The following SYTL4 variants were observed in gnomAD, a reference collection of about 807,000 sequenced individuals.
SYTL4 encodes the protein synaptotagmin like 4, also known as synaptotagmin-like protein 4.
SYTL4 carries 16 observed loss-of-function variants against 52.7 expected under a neutral mutation model. The ratio of observed to expected loss-of-function variants is 0.30; its 90% CI spans 0.21 to 0.46. SYTL4 has a LOEUF of 0.46. Among genes scored for constraint, SYTL4 ranks in the 20% least tolerant of loss-of-function variants. SYTL4 has a pLI of 1.00. For missense variants in SYTL4, 423 were observed against 519.9 expected, an observed-to-expected ratio of 0.81 and a Z score of 1.81; for synonymous variants, 160 against 186.6, an observed-to-expected ratio of 0.86 and a Z score of 1.16.
chrX:100,689,456 G>A (rs1174773414), intron 12 of SYTL4, among the ~76,000 whole-genome samples: 1 of 106,561 alleles, frequency 9.4e-6, no homozygotes, highest in Non-Finnish European at 1.9e-5. Context: ...TGGCCAACAT[G>A]GTGAAACCCC....
At chrX:100,709,040 C>A (rs753777041) in intron 2 of SYTL4, among the ~76,000 whole-genome samples, 7 of 112,287 alleles carry the variant, frequency 6.2e-5, no homozygotes, top group Non-Finnish European at 1.1e-4. Flanking sequence ...GTGTGTGACA[C>A]ACAGTATGAG....
intron 2 of SYTL4, among the ~76,000 whole-genome samples, chrX:100,714,447 G>C (rs2084155576): frequency 9.0e-6 from 1 of 110,627 alleles, no homozygotes; most frequent in Non-Finnish European, 1.9e-5. Flanking sequence ...TTCTAGTAGA[G>C]ACAGGGTTTC....
In SYTL4 at chrX:100,700,963, TGAA is replaced by T. The variant is rs768889052; in HGVS notation, c.470_472del (p.Leu157del). On this transcript the variant is annotated inframe_deletion, in exon 8 of 20. Coordinates refer to ENST00000372989, the MANE Select transcript of SYTL4 (RefSeq NM_001370165.1). The stretch of plus-strand genomic sequence containing the variant: ...CCAGATGTCACCCATCTGTGTCTGA[TGAA>T]GGAGGGACTGTCCCACTGTCTCTCT... 6.6e-6 allele frequency: 8 copies of T among 1,208,704 alleles called. No homozygotes were observed. The East Asian group carries it at 1.2e-4, about 18-fold the overall frequency.
intron 3 of SYTL4, 124 bp downstream of exon 3, chrX:100,704,687 T>C (rs952831881): frequency 2.7e-5 from 3 of 111,549 alleles, no homozygotes; most frequent in Non-Finnish European, 3.8e-5. Context: ...CAGGAAATAG[T>C]TGGAGACACA....
At chrX:100,708,387 C>T (rs2084002403) in intron 2 of SYTL4, among the ~76,000 whole-genome samples, 1 of 111,509 alleles carries the variant, frequency 9.0e-6, no homozygotes, top group African/African-American at 3.3e-5. Context: ...GATAGTATAA[C>T]AGATGAAAAA....
chrX:100,723,154 C>T (rs2084375832), intron 2 of SYTL4, among the ~76,000 whole-genome samples: 1 of 112,402 alleles, frequency 8.9e-6, no homozygotes, highest in African/African-American at 3.2e-5. Flanking sequence ...AAGGTACGGT[C>T]TCCCTCTGAT....
intron 17 of SYTL4, among the ~76,000 whole-genome samples, chrX:100,680,352 G>A (rs1433071488): frequency 3.6e-5 from 4 of 111,087 alleles, no homozygotes; most frequent in Non-Finnish European, 7.5e-5. Context: ...ACCCTCATTG[G>A]GGATTTCATT....
At chrX:100,690,816 T>C (rs906906292) in intron 9 of SYTL4, among the ~76,000 whole-genome samples, 178 bp from the exon 10 acceptor site, 2 of 111,760 alleles carry the variant, frequency 1.8e-5, no homozygotes, top group Admixed American at 9.5e-5. Context: ...ATAGGCAACT[T>C]TGCACAAACA....
chrX:100,713,192 C>T (rs1349621812), intron 2 of SYTL4, among the ~76,000 whole-genome samples: 1 of 112,479 alleles, frequency 8.9e-6, no homozygotes, highest in African/African-American at 3.2e-5. Flanking sequence ...CACCCACAAT[C>T]CCAGCACTTT....
At position 100,676,158 on chromosome X, in the gene SYTL4, A is replaced by G; in HGVS notation, c.1886T>C (p.Val629Ala). Residue 629 changes from valine to alanine, a missense_variant, in exon 20 of 20, where the codon GTG becomes GCG. Coordinates refer to ENST00000372989, the MANE Select transcript of SYTL4 (RefSeq NM_001370165.1). ...CCCAGTCGAGTCCATCCAGTCCACCACTTCCCCATTACTGATCCCTGAGGA... is the reference window on the plus strand; with the variant it reads ...CCCAGTCGAGTCCATCCAGTCCACCGCTTCCCCATTACTGATCCCTGAGGA... ...GVGTGISNGEVVDWMDSTGEE... is the reference protein window; with the variant it reads ...GVGTGISNGEAVDWMDSTGEE... 8.3e-7 allele frequency: 1 copy of G among 1,210,942 alleles called. No individual in the cohort carries two copies. The highest frequency in any genetic ancestry group is 1.1e-6 in the Non-Finnish European group (1 of 895,290).
In SYTL4 at chrX:100,675,222, G is replaced by A. The variant is rs2083257524; in HGVS notation, c.*806C>T. 8.9e-6 allele frequency: 1 copy of A among 112,896 alleles called. No individual in the cohort carries two copies. The highest frequency in any genetic ancestry group is 3.7e-4 in the South Asian group (1 of 2,704). 9.3% of individuals were successfully genotyped at this position (112,896 alleles called of 1,213,427 possible). ...AAATGCAGAAAATTCAGCATGGGCT[G>A]TGAGACACTTTACCCTCAGTCACTC... On this transcript the variant is annotated 3_prime_UTR_variant, in exon 20 of 20. Transcript: ENST00000372989.
intron 12 of SYTL4, 113 bp from the exon 13 acceptor site, chrX:100,688,556 C>T: frequency 2.5e-6 from 1 of 406,629 alleles, no homozygotes; most frequent in Non-Finnish European, 3.9e-6. Flanking sequence ...TGTACGCACA[C>T]ATACTTCTTT....
intron 19 of SYTL4, among the ~76,000 whole-genome samples, chrX:100,676,679 G>A (rs1354009881): frequency 1.8e-5 from 2 of 110,638 alleles, no homozygotes; most frequent in African/African-American, 6.6e-5. Context: ...TAGAGACGGG[G>A]TTTCACCATG....
chrX:100,691,423 T>G (rs896155537), intron 8 of SYTL4, among the ~76,000 whole-genome samples: 1 of 112,306 alleles, frequency 8.9e-6, no homozygotes, highest in Non-Finnish European at 1.9e-5. Flanking sequence ...GGTGCCATCA[T>G]AGTGCACAAC....
chrX:100,724,181 C>A (rs1212689497), intron 2 of SYTL4, among the ~76,000 whole-genome samples: 1 of 94,593 alleles, frequency 1.1e-5, no homozygotes, highest in African/African-American at 4.0e-5. Flanking sequence ...CCGCCCCGTC[C>A]GGGAGGGAGG....
chrX:100,686,172 C>T (rs1193186304), intron 15 of SYTL4, 21 bp from the exon 16 acceptor site: 19 of 1,184,959 alleles, frequency 1.6e-5, no homozygotes, highest in Non-Finnish European at 2.0e-5. Flanking sequence ...AAAGTAAAAG[C>T]CCAAGATGAT....
At chrX:100,728,605 GC>G (rs892005846) in intron 2 of SYTL4, among the ~76,000 whole-genome samples, 13 of 111,849 alleles carry the variant, frequency 1.2e-4, no homozygotes, top group African/African-American at 3.9e-4. Flanking sequence ...CTTGCGAGAA[GC>G]CTGAAAAGCC....
intron 2 of SYTL4, among the ~76,000 whole-genome samples, chrX:100,728,052 T>C (rs1422362904): frequency 8.9e-6 from 1 of 111,949 alleles, no homozygotes; most frequent in Non-Finnish European, 1.9e-5. Context: ...ACAGATGTTC[T>C]TCAAAGCCAT....
intron 2 of SYTL4, among the ~76,000 whole-genome samples, chrX:100,723,924 G>T (rs1234222410): frequency 9.6e-6 from 1 of 104,433 alleles, no homozygotes; most frequent in Non-Finnish European, 2.0e-5. Context: ...GAGGTGGGGG[G>T]TCAGCCCCCG....
Sources: gnomAD v4.1 joint callset for allele counts (sites outside exome capture counted in the v4.1 genomes callset) on GRCh38, gnomAD v4.1.1 for gene constraint, MANE v1.5 for transcripts, NCBI Gene and HGNC (gene_info 2026-07-23, HGNC 2026-07-21) for gene names.